The following FAM241B variants were observed in gnomAD, a reference collection of about 807,000 sequenced individuals.
The protein encoded by FAM241B is family with sequence similarity 241 member B.
A neutral mutation model predicts 9.3 loss-of-function variants in FAM241B; 7 were observed. The observed-to-expected ratio is 0.75, with a 90% CI of 0.43 to 1.41. The LOEUF is 1.41. FAM241B is among the 40% of genes most tolerant of loss of function. The pLI, the probability that FAM241B is intolerant of heterozygous loss-of-function variation, is 0.01. For missense variants in FAM241B, 136 were observed against 159.6 expected, an observed-to-expected ratio of 0.85 and a Z score of 0.80; for synonymous variants, 60 against 64.1, an observed-to-expected ratio of 0.94 and a Z score of 0.31.
At chr10:69,632,694 G>A (rs1589691475) in intron 3 of FAM241B, 96 bp from the exon 4 acceptor site, 1 of 1,397,014 alleles carries the variant, frequency 7.2e-7, no homozygotes, top group Non-Finnish European at 9.7e-7. Context: ...ACCCTGGGTG[G>A]CTGTAGGAAG....
At chr10:69,632,654 C>T in intron 3 of FAM241B, 136 bp from the exon 4 acceptor site, 2 of 936,368 alleles carry the variant, frequency 2.1e-6, no homozygotes, top group Non-Finnish European at 3.2e-6. Context: ...TTATGGGTGG[C>T]ATGGGGGATT....
chr10:69,633,114 G>A lies in FAM241B; in HGVS notation c.*55G>A. On this transcript the variant is annotated 3_prime_UTR_variant, in exon 4 of 4. Coordinates refer to ENST00000373279, the MANE Select transcript of FAM241B (RefSeq NM_145306.3). Reference sequence around the variant, plus strand: ...TGAGAGGGACTTGCTGGGCCTTGGTGTGAGAGCAGGCATATTTGGAGGGGA... The same window carrying A: ...TGAGAGGGACTTGCTGGGCCTTGGTATGAGAGCAGGCATATTTGGAGGGGA... 1.9e-6 allele frequency: 3 copies of A among 1,597,494 alleles called. No homozygotes were observed. The South Asian group carries it at 3.4e-5, about 18-fold the overall frequency.
At position 69,632,887 on chromosome 10, in the gene FAM241B, A is replaced by G. The variant is rs748091788; in HGVS notation, c.194A>G (p.Asn65Ser). The change falls in exon 4 of 4, where the codon AAT (asparagine) becomes AGT (serine). Residue 65 changes from asparagine (N) to serine (S), a missense_variant. By Grantham distance (46) the Asn-to-Ser change is conservative. Coordinates refer to ENST00000373279, the MANE Select transcript of FAM241B (RefSeq NM_145306.3). The part of the protein sequence containing the change: ...ARLGAAQSPF[N>S]DLNRQLVNMG... ...CTGGGTGCTGCTCAGTCCCCCTTCA[A>G]TGACCTCAACCGGCAGCTGGTGAAC... The G allele has an allele frequency of 1.2e-5, 19 of 1,614,080 alleles. No individual in the cohort carries two copies. The highest frequency in any genetic ancestry group is 8.0e-5 in the African/African-American group (6 of 74,930).
At chr10:69,630,406 G>T (rs1427393342) in intron 1 of FAM241B, 93 bp downstream of exon 1, 3 of 155,734 alleles carry the variant, frequency 1.9e-5, no homozygotes, top group Admixed American at 6.5e-5. Flanking sequence ...TGGGGCTGGC[G>T]GCCGGGGCAG....
At chr10:69,630,841 T>G (rs186983134) in intron 1 of FAM241B, among the ~76,000 whole-genome samples, 1 of 152,180 alleles carries the variant, frequency 6.6e-6, no homozygotes, top group East Asian at 1.9e-4. Flanking sequence ...AAGGTTGGAC[T>G]GGTGTTCCCT....
Position 69,633,057 on chromosome 10 carries a change from T to A in FAM241B, c.364T>A (p.Ter122ArgextTer32). The change falls in exon 4 of 4, where the codon TGA becomes AGA. Residue 122 changes from the stop codon to arginine (R), a stop_lost. Coordinates refer to ENST00000373279, the MANE Select transcript of FAM241B (RefSeq NM_145306.3). ...VYLVSHLSQR[*>R] ...CCTGGTGTCCCACCTGAGTCAGCGG[T>A]GACCTCTGAGGGCTGATAGGGGTGG... The A allele has an allele frequency of 6.2e-7, 1 of 1,614,120 alleles. No individual in the cohort carries two copies. The highest frequency in any genetic ancestry group is 8.5e-7 in the Non-Finnish European group (1 of 1,180,018).
At position 69,631,820 on chromosome 10, in the gene FAM241B, G is replaced by A; in HGVS notation, c.77G>A (p.Arg26Lys). 6.2e-7 allele frequency: 1 copy of A among 1,612,016 alleles called. No individual in the cohort carries two copies. Among genetic ancestry groups the A allele is most frequent in the Non-Finnish European group, 8.5e-7 (1 of 1,179,432 alleles). The change falls in exon 3 of 4, where the codon AGA becomes AAA. Residue 26 changes from arginine to lysine, a missense_variant. Coordinates refer to ENST00000373279, the MANE Select transcript of FAM241B (RefSeq NM_145306.3). ...PRVRTTTQPPRGSIPRQSFFN... is the reference protein window; with the variant it reads ...PRVRTTTQPPKGSIPRQSFFN... ...GTGAGGACCACTACCCAGCCACCAAGAGGTAGCATTCCTCGACAGGTAGGT... is the reference window on the plus strand; with the variant it reads ...GTGAGGACCACTACCCAGCCACCAAAAGGTAGCATTCCTCGACAGGTAGGT...
Position 69,630,780 on chromosome 10 carries a change from C to T in FAM241B, c.-104+467C>T. 3 of 756,104 alleles carry T rather than the reference C, an allele frequency of 4.0e-6. 1 individual carries two copies. In the South Asian group the frequency reaches 6.1e-5, roughly 15 times the overall value. The allele number at this position is 756,104 out of a possible 1,614,324, so 46.8% of individuals were successfully genotyped here. On this transcript the variant is annotated intron_variant, in intron 1 of 3. Transcript: ENST00000373279. ...GAGTGGAGCCTTTCGAGGGCCACCGCAGCAACCCCCTCCCATATTTTGGGA... is the reference window on the plus strand; with the variant it reads ...GAGTGGAGCCTTTCGAGGGCCACCGTAGCAACCCCCTCCCATATTTTGGGA...
rs1216678360 is a variant in FAM241B, at chr10:69,631,795, G to A, written c.52G>A (p.Val18Met). The change falls in exon 3 of 4, where the codon GTG (valine) becomes ATG (methionine). Residue 18 changes from valine (V) to methionine (M), a missense_variant. By Grantham distance (21) the Val-to-Met change is conservative (BLOSUM62 1). Transcript: ENST00000373279. ...AATCGTGCAGGATGACGACCCCCGA[G>A]TGAGGACCACTACCCAGCCACCAAG... ...GEIVQDDDPR[V>M]RTTTQPPRGS... 5.0e-6 allele frequency: 8 copies of A among 1,613,248 alleles called. No individual in the cohort carries two copies. In the South Asian group the frequency reaches 8.8e-5, roughly 18 times the overall value.
chr10:69,632,854 G>T lies in FAM241B; in HGVS notation c.161G>T (p.Gly54Val), dbSNP rs764439740. Residue 54 changes from glycine (G) to valine (V), a missense_variant, in exon 4 of 4, where the codon GGT (glycine) becomes GTT (valine). By Grantham distance (109) the Gly-to-Val change is moderately radical. Transcript: ENST00000373279. ...CCTGGCCCCCGCCAGCAGCAGGCAG[G>T]TGCCAGGCTGGGTGCTGCTCAGTCC... is the stretch of plus-strand genomic sequence containing the variant. The part of the protein sequence containing the change: ...GGPGPRQQQA[G>V]ARLGAAQSPF... 1 of 1,614,230 alleles carries T rather than the reference G, an allele frequency of 6.2e-7. No homozygotes were observed. The highest frequency in any genetic ancestry group is 1.3e-5 in the African/African-American group (1 of 75,066).
chr10:69,632,994 C>T lies in FAM241B; in HGVS notation c.301C>T (p.Leu101Phe). 6.2e-7 allele frequency: 1 copy of T among 1,614,192 alleles called. No homozygotes were observed. The highest frequency in any genetic ancestry group is 8.5e-7 in the Non-Finnish European group (1 of 1,180,042). The part of the protein sequence containing the change: ...SILLLFLLMM[L>F]GVRGLLLVGL... ...CCTGCTCCTCTTCCTGCTCATGATG[C>T]TTGGTGTTCGTGGCCTCCTCCTGGT... Residue 101 changes from leucine to phenylalanine, a missense_variant, in exon 4 of 4, where the codon CTT (leucine) becomes TTT (phenylalanine). Leu to Phe is a conservative substitution (Grantham distance 22). Transcript: ENST00000373279.
chr10:69,631,262 G>A (rs1397930427), intron 1 of FAM241B, among the ~76,000 whole-genome samples: 3 of 152,244 alleles, frequency 2.0e-5, no homozygotes, highest in African/African-American at 4.8e-5. Context: ...GGAGTGTTGT[G>A]AGGCTTGAGT....
intron 1 of FAM241B, 42 bp from the exon 2 acceptor site, chr10:69,631,438 G>C: frequency 2.1e-6 from 3 of 1,416,880 alleles, no homozygotes; most frequent in Non-Finnish European, 2.8e-6. Flanking sequence ...CTTTTTGCCT[G>C]GCAAACAACT....
chr10:69,631,465 C>A lies in FAM241B; in HGVS notation c.-103-15C>A, dbSNP rs767300023. 1 of 1,490,690 alleles carries A rather than the reference C, an allele frequency of 6.7e-7. No homozygotes were observed. Among genetic ancestry groups the A allele is most frequent in the Admixed American group, 2.0e-5 (1 of 49,016 alleles). 92.3% of individuals were successfully genotyped at this position (1,490,690 alleles called of 1,614,324 possible). On this transcript the variant is annotated splice_polypyrimidine_tract_variant and intron_variant, in intron 1 of 3. Coordinates refer to ENST00000373279, the MANE Select transcript of FAM241B (RefSeq NM_145306.3). The stretch of plus-strand genomic sequence containing the variant: ...CAAACAACTTGCCTTTATTTCTCCC[C>A]TTTTTGTTAATCAGACACAGCATCT...
intron 1 of FAM241B, chr10:69,630,604 A>G (rs1839800412): frequency 1.6e-6 from 2 of 1,285,892 alleles, no homozygotes; most frequent in Non-Finnish European, 2.0e-6. Flanking sequence ...GCTACGGGCA[A>G]GACCACAGGG....
chr10:69,632,325 G>A (rs1246865290), intron 3 of FAM241B, among the ~76,000 whole-genome samples: 1 of 152,058 alleles, frequency 6.6e-6, no homozygotes, highest in Non-Finnish European at 1.5e-5. Flanking sequence ...AGGTGTGGTG[G>A]TGCATGCCTG....
rs141324225 is a variant in FAM241B at position 69,632,969 on chromosome 10, C to A, written c.276C>A (p.Ile92=). The A allele has an allele frequency of 6.2e-7, 1 of 1,614,128 alleles. No individual in the cohort carries two copies. The highest frequency in any genetic ancestry group is 8.5e-7 in the Non-Finnish European group (1 of 1,179,956). The change falls in exon 4 of 4, where the codon ATC becomes ATA. Residue 92 remains isoleucine, a synonymous_variant. Coordinates refer to ENST00000373279, the MANE Select transcript of FAM241B (RefSeq NM_145306.3). ...GNHAVEPVTS[I]LLLFLLMMLG... is the part of the protein sequence containing the mutation. ...ATGCTGTGGAGCCGGTGACCTCCAT[C>A]CTGCTCCTCTTCCTGCTCATGATGC...
intron 1 of FAM241B, among the ~76,000 whole-genome samples, chr10:69,631,045 G>C (rs1839809970): frequency 6.6e-6 from 1 of 152,152 alleles, no homozygotes; most frequent in African/African-American, 2.4e-5. Context: ...CAACACACTC[G>C]ACCCATTTTT....
At chr10:69,632,725 G>A in intron 3 of FAM241B, 65 bp from the exon 4 acceptor site, 1 of 1,557,926 alleles carries the variant, frequency 6.4e-7, no homozygotes, top group Non-Finnish European at 8.7e-7. Context: ...AGCCTAGAGA[G>A]GTTGATTCCT....
Sources: allele counts gnomAD v4.1 joint callset (sites outside exome capture counted in the v4.1 genomes callset), GRCh38; gene constraint gnomAD v4.1.1; transcripts MANE v1.5; gene names NCBI Gene and HGNC (gene_info 2026-07-23, HGNC 2026-07-21).